The following MCOLN2 variants were observed in gnomAD, a reference collection of about 807,000 sequenced individuals.
MCOLN2 encodes the protein mucolipin-2.
Under a neutral mutation model 67.5 loss-of-function variants are expected in MCOLN2, and 57 were observed. The observed-to-expected ratio is 0.84, with a 90% CI of 0.68 to 1.05. The LOEUF (loss-of-function observed/expected upper bound fraction) is 1.05, where lower values mean the gene tolerates loss of function less well. Among genes scored for constraint, MCOLN2 ranks in the 50% least tolerant of loss-of-function variants. MCOLN2 has a pLI of 0.00. For synonymous variants in MCOLN2, 246 were observed against 233.3 expected (o/e 1.05, Z -0.50); for missense variants, 620 against 678.8 (o/e 0.91, Z 0.96).
chr1:84,934,014 A>C (rs1417660115), intron 11 of MCOLN2, among the ~76,000 whole-genome samples: 1 of 152,210 alleles, frequency 6.6e-6, no homozygotes, highest in African/African-American at 2.4e-5. Flanking sequence ...ATTCCATAGT[A>C]GAAGTGAGCT....
intron 2 of MCOLN2, among the ~76,000 whole-genome samples, chr1:84,962,142 T>C (rs536295987): frequency 4.9e-4 from 74 of 152,342 alleles, no homozygotes; most frequent in African/African-American, 1.6e-3. Flanking sequence ...TTTGTTAGAA[T>C]GATCCTATAT....
intron 1 of MCOLN2, among the ~76,000 whole-genome samples, chr1:84,979,757 T>C (rs1296530993): frequency 2.0e-5 from 3 of 152,156 alleles, no homozygotes; most frequent in Non-Finnish European, 2.9e-5. Flanking sequence ...TCCTCTCAGA[T>C]CTGGAACACA....
intron 1 of MCOLN2, among the ~76,000 whole-genome samples, chr1:84,969,507 G>T (rs1337175447): frequency 6.6e-6 from 1 of 150,914 alleles, no homozygotes; most frequent in Non-Finnish European, 1.5e-5. Flanking sequence ...GGAGGCAGAG[G>T]TTGCAGTAAG....
At chr1:84,938,196 G>T in intron 9 of MCOLN2, 114 bp from the exon 10 acceptor site, 1 of 518,090 alleles carries the variant, frequency 1.9e-6, no homozygotes, top group Non-Finnish European at 3.3e-6. Context: ...CTCCCTATAG[G>T]TGATAGAGTT....
At chr1:84,942,849 A>AC (rs150152159) in intron 7 of MCOLN2, among the ~76,000 whole-genome samples, 59 of 151,800 alleles carry the variant, frequency 3.9e-4, no homozygotes, top group African/African-American at 1.3e-3. Context: ...TAGTATGCTC[A>AC]CCCCCCTTAC....
intron 7 of MCOLN2, among the ~76,000 whole-genome samples, chr1:84,945,492 A>G (rs759282790): frequency 1.6e-4 from 24 of 152,238 alleles, no homozygotes; most frequent in Non-Finnish European, 3.5e-4. Flanking sequence ...TTCAATCGTC[A>G]GGACATATTA....
At chr1:84,929,399 C>T (rs1661297990) in intron 13 of MCOLN2, among the ~76,000 whole-genome samples, 159 bp downstream of exon 13, 1 of 152,124 alleles carries the variant, frequency 6.6e-6, no homozygotes. Context: ...AGAAATAATT[C>T]ATTTCTAAAG....
Position 84,931,287 on chromosome 1 carries a change from A to T in MCOLN2, c.1542+75T>A, listed in dbSNP as rs141908935. On this transcript the variant is annotated intron_variant, in intron 12 of 13. Transcript: ENST00000370608. ...CTGAACTGTAATATTTTAAGTTTTT[A>T]AAATGTGGTATTTTCCTATAATCTA... is the stretch of plus-strand genomic sequence containing the variant. The T allele has an allele frequency of 6.3e-6, 6 of 946,224 alleles. No individual in the cohort carries two copies. In the African/African-American group the frequency reaches 8.3e-5, roughly 13 times the overall value. The allele number at this position is 946,224 out of a possible 1,614,324, so 58.6% of individuals were successfully genotyped here.
In MCOLN2 at chr1:84,994,049, A is replaced by T. The variant is rs182794580; in HGVS notation, c.77+2747T>A. Among the ~76,000 whole-genome samples, 116 of 152,366 alleles carry T rather than the reference A, an allele frequency of 7.6e-4. 1 individual carries two copies. Among genetic ancestry groups the T allele is most frequent in the African/African-American group, 2.6e-3 (110 of 41,582 alleles). ...TGTACATCTCCATCAGAACTTTTCAATGATCAGAGGTATTATCAATGAGCA... is the reference window on the plus strand; with the variant it reads ...TGTACATCTCCATCAGAACTTTTCATTGATCAGAGGTATTATCAATGAGCA... On this transcript the variant is annotated intron_variant, in intron 1 of 13. Transcript: ENST00000370608.
chr1:84,927,051 G>A (rs1468679661), intron 13 of MCOLN2, among the ~76,000 whole-genome samples: 1 of 151,920 alleles, frequency 6.6e-6, no homozygotes, highest in Non-Finnish European at 1.5e-5. Context: ...GGGGGGTAGG[G>A]GGAAAGGGGA....
chr1:84,983,089 T>G (rs1650340076), intron 1 of MCOLN2, among the ~76,000 whole-genome samples: 2 of 151,574 alleles, frequency 1.3e-5, no homozygotes, highest in Non-Finnish European at 2.9e-5. Flanking sequence ...GCAGGGCAAA[T>G]CACTTCCCAA....
At chr1:84,958,287 T>C (rs750915935) in intron 3 of MCOLN2, among the ~76,000 whole-genome samples, 32 of 152,290 alleles carry the variant, frequency 2.1e-4, no homozygotes, top group Non-Finnish European at 3.7e-4. Flanking sequence ...CTGGGGTAAT[T>C]TTCCAAAAGC....
chr1:84,945,193 A>G (rs1218929134), intron 7 of MCOLN2, among the ~76,000 whole-genome samples: 1 of 152,238 alleles, frequency 6.6e-6, no homozygotes. Context: ...CAAGGAGGGC[A>G]GCAGGCGGAA....
intron 4 of MCOLN2, among the ~76,000 whole-genome samples, chr1:84,955,044 TG>T (rs1391878589): frequency 6.6e-6 from 1 of 152,172 alleles, no homozygotes; most frequent in African/African-American, 2.4e-5. Flanking sequence ...AATTAAATCA[TG>T]GGGGCAGTTA....
chr1:84,927,433 G>A (rs1193144767), intron 13 of MCOLN2, among the ~76,000 whole-genome samples: 1 of 152,204 alleles, frequency 6.6e-6, no homozygotes, highest in Non-Finnish European at 1.5e-5. Context: ...CTTTAGAACT[G>A]GAAGAGGTTT....
intron 7 of MCOLN2, among the ~76,000 whole-genome samples, chr1:84,946,042 C>T (rs995808621): frequency 1.3e-5 from 2 of 152,162 alleles, no homozygotes; most frequent in Non-Finnish European, 2.9e-5. Context: ...AGCCACTGTG[C>T]TCAGCAGTAG....
intron 11 of MCOLN2, 121 bp downstream of exon 11, chr1:84,937,634 A>G (rs1221949863): frequency 1.3e-6 from 2 of 1,487,272 alleles, no homozygotes; most frequent in Admixed American, 2.4e-5. Flanking sequence ...ATACAAAGAT[A>G]TGTGATTACT....
chr1:84,945,516 C>G (rs918313687), intron 7 of MCOLN2, among the ~76,000 whole-genome samples: 7 of 152,134 alleles, frequency 4.6e-5, no homozygotes, highest in African/African-American at 1.4e-4. Context: ...ATCTGAAAAG[C>G]AGCAGGCCAC....
chr1:84,950,005 G>A (rs554151537), intron 6 of MCOLN2, among the ~76,000 whole-genome samples: 1 of 152,192 alleles, frequency 6.6e-6, no homozygotes, highest in South Asian at 2.1e-4. Flanking sequence ...CAACAGTAGA[G>A]GTAAGTTTAT....
Sources: gnomAD v4.1 joint callset for allele counts (sites outside exome capture counted in the v4.1 genomes callset) on GRCh38, gnomAD v4.1.1 for gene constraint, MANE v1.5 for transcripts, NCBI Gene and HGNC (gene_info 2026-07-23, HGNC 2026-07-21) for gene names.